The following GLB1 variants were observed in gnomAD, a reference collection of about 807,000 sequenced individuals.
GLB1 encodes the protein beta-galactosidase.
Under a neutral mutation model 74.0 loss-of-function variants are expected in GLB1, and 56 were observed. The observed-to-expected ratio is 0.76, with a 90% CI of 0.61 to 0.94. The LOEUF (loss-of-function observed/expected upper bound fraction) is 0.94. Ranked by LOEUF, GLB1 falls within the 40% of genes least tolerant of loss-of-function variation. GLB1 has a pLI of 0.00. For synonymous variants in GLB1, 323 were observed against 323.6 expected, an observed-to-expected ratio of 1.00 and a Z score of 0.02; for missense variants, 787 against 845.5, an observed-to-expected ratio of 0.93 and a Z score of 0.86.
In GLB1 at chr3:33,093,018, T is replaced by C. The variant is rs1238307358; in HGVS notation, c.75+3993A>G. 3.7e-6 allele frequency: 6 copies of C among 1,614,048 alleles called. No homozygotes were observed. The Admixed American group carries it at 8.3e-5, about 22-fold the overall frequency. On this transcript the variant is annotated intron_variant, in intron 1 of 15. Transcript: ENST00000307363. This position sits in a 1 kb window ranked among gnomAD's most constrained non-coding sequence, Gnocchi z 6.0. ...GTTCAAGGGGAAGATCTGCCCAGCA[T>C]GTGTGTGCCCAGAAAGGATCAGGTT...
intron 15 of GLB1, among the ~76,000 whole-genome samples, chr3:32,999,375 C>A (rs777983487): frequency 6.6e-6 from 1 of 152,138 alleles, no homozygotes; most frequent in African/African-American, 2.4e-5. Flanking sequence ...GAGGGCATTA[C>A]GAGCAGCAGC....
At chr3:32,982,169 C>T in the GLB1 span, among the ~76,000 whole-genome samples, 65 of 152,010 alleles carry the variant, frequency 4.3e-4, no homozygotes, top group Non-Finnish European at 6.6e-4. Flanking sequence ...CAAAATTAGC[C>T]AGGCATGGTG....
rs183478610 is a variant in GLB1 at position 33,062,467 on chromosome 3, C to T, written c.552+2996G>A. Among the ~76,000 whole-genome samples, 558 of 152,262 alleles carry T rather than the reference C, an allele frequency of 3.7e-3. 4 individuals are homozygous for T. The highest frequency in any genetic ancestry group is 0.012 in the African/African-American group (509 of 41,540). On this transcript the variant is annotated intron_variant, in intron 5 of 15. Transcript: ENST00000307363. ...ACGGGCATTGAGCCATCAGCCTTGG[C>T]CCTTTTACAGAAATCTTCACACACA...
intron 9 of GLB1, among the ~76,000 whole-genome samples, chr3:33,047,305 G>GA (rs1260268000): frequency 2.6e-5 from 4 of 152,362 alleles, no homozygotes; most frequent in African/African-American, 9.6e-5. Flanking sequence ...TGTCAGGGAT[G>GA]ATGTTCACAG....
chr3:33,060,533 T>G (rs1282227994), intron 5 of GLB1, among the ~76,000 whole-genome samples: 1 of 152,228 alleles, frequency 6.6e-6, no homozygotes, highest in Non-Finnish European at 1.5e-5. Context: ...AGCAACTAAA[T>G]GGTCTCACAG....
the GLB1 span, among the ~76,000 whole-genome samples, chr3:32,977,224 T>G: frequency 6.6e-6 from 1 of 151,430 alleles, no homozygotes; most frequent in Non-Finnish European, 1.5e-5. Flanking sequence ...TTTTTTTTTT[T>G]GAGACAGAGT....
At chr3:33,094,943 G>A (rs1470388971) in intron 1 of GLB1, among the ~76,000 whole-genome samples, 1 of 152,180 alleles carries the variant, frequency 6.6e-6, no homozygotes, top group East Asian at 1.9e-4. Context: ...GGGCACAGTG[G>A]CTGACGCCTA....
downstream of GLB1, among the ~76,000 whole-genome samples, chr3:32,992,205 T>G (rs1468698029): frequency 1.3e-5 from 2 of 152,224 alleles, no homozygotes; most frequent in African/African-American, 4.8e-5. Context: ...ATGATGCCCC[T>G]TCACCTTTCT....
chr3:33,020,556 A>C (rs1697424753), intron 12 of GLB1, among the ~76,000 whole-genome samples: 1 of 152,186 alleles, frequency 6.6e-6, no homozygotes, highest in Non-Finnish European at 1.5e-5. Flanking sequence ...AAAGTCTACA[A>C]ACACCCCGAC....
chr3:33,090,335 C>T, intron 1 of GLB1: 7 of 936,576 alleles, frequency 7.5e-6, no homozygotes, highest in Non-Finnish European at 8.9e-6. Context: ...TCTCGTCATG[C>T]TTGTTAAAGC....
chr3:33,015,316 T>A (rs1300081330), intron 14 of GLB1, among the ~76,000 whole-genome samples: 1 of 152,198 alleles, frequency 6.6e-6, no homozygotes, highest in Non-Finnish European at 1.5e-5. Flanking sequence ...GTCACTCACC[T>A]GTTATGAGGG....
intron 15 of GLB1, among the ~76,000 whole-genome samples, chr3:33,009,386 G>T (rs1264357301): frequency 2.0e-5 from 3 of 151,938 alleles, no homozygotes; most frequent in Non-Finnish European, 4.4e-5. Flanking sequence ...GCCAAGTGTG[G>T]TGGGGGGTGC....
chr3:33,046,515 G>A (rs772989715), intron 9 of GLB1, among the ~76,000 whole-genome samples: 7 of 151,994 alleles, frequency 4.6e-5, no homozygotes, highest in Non-Finnish European at 7.4e-5. Context: ...ACCCCCACTG[G>A]ACAAGCAGGG....
intron 15 of GLB1, among the ~76,000 whole-genome samples, chr3:33,002,907 C>T (rs1259072862): frequency 6.6e-6 from 1 of 152,052 alleles, no homozygotes; most frequent in Non-Finnish European, 1.5e-5. Context: ...ACTCATGAAT[C>T]ACTGTGATGC....
chr3:33,022,544 T>G (rs1697534286), intron 11 of GLB1, among the ~76,000 whole-genome samples: 1 of 144,486 alleles, frequency 6.9e-6, no homozygotes, highest in Non-Finnish European at 1.5e-5. Context: ...GGATTTTCCA[T>G]GACTATAATA....
At chr3:33,059,050 G>C (rs1030547599) in intron 5 of GLB1, among the ~76,000 whole-genome samples, 6 of 152,162 alleles carry the variant, frequency 3.9e-5, no homozygotes, top group African/African-American at 1.4e-4. Flanking sequence ...AGAGGCCCAG[G>C]GATGCTGCCA....
Position 32,996,967 on chromosome 3 carries a change from C to G in GLB1, c.*78G>C. 1 of 1,609,434 alleles carries G rather than the reference C, an allele frequency of 6.2e-7. No homozygotes were observed. The highest frequency in any genetic ancestry group is 8.5e-7 in the Non-Finnish European group (1 of 1,177,040). ...TCCTTTTCCATTTCCACATTCCAAT[C>G]AGTGAAATGTGGCATGACAGGGAGG... On this transcript the variant is annotated 3_prime_UTR_variant, in exon 16 of 16. Transcript: ENST00000307363.
chr3:33,071,208 T>G (rs1014731465), intron 2 of GLB1, among the ~76,000 whole-genome samples: 3 of 152,232 alleles, frequency 2.0e-5, no homozygotes, highest in African/African-American at 7.2e-5. Flanking sequence ...CCTGGAACAG[T>G]CTTGGTCTTC....
In GLB1 at chr3:33,024,248, T is replaced by G. The variant is rs759517360; in HGVS notation, c.1143+3A>C. On this transcript the variant is annotated splice_donor_region_variant and intron_variant, in intron 11 of 15. Coordinates refer to ENST00000307363, the MANE Select transcript of GLB1 (RefSeq NM_000404.4). ...CAAAGTTTCTGTTATTTTTTTTTCTTACCTTTTCCAAAGTGACCTTTCCAT... is the reference window on the plus strand; with the variant it reads ...CAAAGTTTCTGTTATTTTTTTTTCTGACCTTTTCCAAAGTGACCTTTCCAT... The G allele has an allele frequency of 1.1e-5, 17 of 1,610,662 alleles. No individual in the cohort carries two copies. In the South Asian group the frequency reaches 1.8e-4, roughly 17 times the overall value.
Sources: gnomAD v4.1 joint callset for allele counts (sites outside exome capture counted in the v4.1 genomes callset) on GRCh38, gnomAD v4.1.1 for gene constraint, Gnocchi (gnomAD v3.1) non-coding constraint, MANE v1.5 for transcripts, NCBI Gene and HGNC (gene_info 2026-07-23, HGNC 2026-07-21) for gene names.